PDZRN4: variants seen among roughly 807,000 people sequenced by gnomAD.
The protein encoded by PDZRN4 is PDZ domain-containing RING finger protein 4.
PDZRN4 carries 70 observed loss-of-function variants against 99.0 expected under a neutral mutation model. That is an observed-to-expected ratio of 0.71 (90% CI 0.58 to 0.86). PDZRN4 has a LOEUF of 0.86. Among genes scored for constraint, PDZRN4 ranks in the 40% least tolerant of loss-of-function variants. The probability of loss-of-function intolerance (pLI) is 0.00; values close to 1 mark genes in which losing one functional copy is unlikely to be tolerated. For missense variants in PDZRN4, 1,474 were observed against 1,331.2 expected (o/e 1.11, Z -1.67); for synonymous variants, 551 against 501.6 (o/e 1.10, Z -1.32).
intron 3 of PDZRN4, among the ~76,000 whole-genome samples, chr12:41,249,108 CAT>C (rs533236830): frequency 6.6e-6 from 1 of 152,106 alleles, no homozygotes; most frequent in Non-Finnish European, 1.5e-5. Flanking sequence ...CACATGTGCA[CAT>C]GTGTGTATAC....
chr12:41,219,317 T>C (rs1950939362), intron 3 of PDZRN4, among the ~76,000 whole-genome samples: 1 of 151,864 alleles, frequency 6.6e-6, no homozygotes, highest in Non-Finnish European at 1.5e-5. Context: ...TGAGTAGGAG[T>C]TCAGTCAAGA....
chr12:41,414,602 C>G (rs867918005), intron 3 of PDZRN4, among the ~76,000 whole-genome samples: 1 of 151,766 alleles, frequency 6.6e-6, no homozygotes, highest in African/African-American at 2.4e-5. Flanking sequence ...AGACGGATGT[C>G]TTCCAATAAA....
Position 41,261,494 on chromosome 12 carries a change from T to C in PDZRN4, c.843+67306T>C, listed in dbSNP as rs1221772250. Among the ~76,000 whole-genome samples the C allele has an allele frequency of 2.6e-5, 4 of 151,692 alleles. No homozygotes were observed. The East Asian group carries it at 5.8e-4, about 22-fold the overall frequency. On this transcript the variant is annotated intron_variant, in intron 3 of 9. Transcript: ENST00000402685. ...GTAGTTCTATTTCTCTGTTTGTTTGTTTTCTTATTTTTTGAGATGGAGTCT... is the reference window on the plus strand; with the variant it reads ...GTAGTTCTATTTCTCTGTTTGTTTGCTTTCTTATTTTTTGAGATGGAGTCT...
At chr12:41,297,819 T>C (rs1257865142) in intron 3 of PDZRN4, among the ~76,000 whole-genome samples, 1 of 152,102 alleles carries the variant, frequency 6.6e-6, no homozygotes, top group Non-Finnish European at 1.5e-5. Context: ...CACAAAAAAT[T>C]AACCAAACTG....
At chr12:41,366,382 C>T (rs6582333) in intron 3 of PDZRN4, among the ~76,000 whole-genome samples, 148,807 of 152,194 alleles carry the variant, frequency 0.98, 72,866 homozygotes, top group Middle Eastern at 1. Context: ...CAGTGAAAAA[C>T]TCCAATCTAT....
chr12:41,269,973 CT>C (rs1480420943), intron 3 of PDZRN4, among the ~76,000 whole-genome samples: 1 of 152,142 alleles, frequency 6.6e-6, no homozygotes, highest in East Asian at 1.9e-4. Flanking sequence ...GTCTCTCCCC[CT>C]ACCTCTCTCT....
At chr12:41,279,559 G>T (rs913117330) in intron 3 of PDZRN4, among the ~76,000 whole-genome samples, 53 of 152,094 alleles carry the variant, frequency 3.5e-4, no homozygotes, top group African/African-American at 1.2e-3. Flanking sequence ...AGGAAAGCTT[G>T]TATTTATTTA....
intron 5 of PDZRN4, among the ~76,000 whole-genome samples, chr12:41,517,461 A>G (rs1938421500): frequency 6.6e-6 from 1 of 152,102 alleles, no homozygotes; most frequent in South Asian, 2.1e-4. Flanking sequence ...TCTGCTTTCA[A>G]AAACTGTTTT....
chr12:41,188,677 C>A lies in PDZRN4; in HGVS notation c.222C>A (p.Ile74=). ...GGGTGCTGCCGCTGCGCAGCCTCAT[C>A]CAGAAGCTGCGAGTCCAGTGCGACT... The part of the protein sequence containing the change: ...LYRVLPLRSL[I]QKLRVQCDYR... The change falls in exon 1 of 10, where the codon ATC becomes ATA. Residue 74 remains isoleucine (I), a synonymous_variant. Coordinates refer to ENST00000402685, the MANE Select transcript of PDZRN4 (RefSeq NM_001164595.2). 1 of 1,557,780 alleles carries A rather than the reference C, an allele frequency of 6.4e-7. No individual in the cohort carries two copies. The highest frequency in any genetic ancestry group is 1.2e-5 in the South Asian group (1 of 85,716).
intron 5 of PDZRN4, among the ~76,000 whole-genome samples, chr12:41,550,270 C>T (rs944804190): frequency 2.0e-5 from 3 of 152,112 alleles, no homozygotes; most frequent in African/African-American, 7.2e-5. Context: ...CATTGAAAGT[C>T]GGTGGATTTC....
chr12:41,400,926 C>T (rs893415888), intron 3 of PDZRN4, among the ~76,000 whole-genome samples: 1 of 152,094 alleles, frequency 6.6e-6, no homozygotes, highest in South Asian at 2.1e-4. Context: ...AGGCCTGAAT[C>T]CTGACTGTTA....
chr12:41,347,178 C>T (rs12146801), intron 3 of PDZRN4, among the ~76,000 whole-genome samples: 72,070 of 151,746 alleles, frequency 0.47, 17,871 homozygotes, highest in Middle Eastern at 0.65. Context: ...AGAGGAATTG[C>T]TGGGTCCTGA....
In PDZRN4 at chr12:41,262,478, G is replaced by GA. The variant is rs200197556; in HGVS notation, c.843+68297dup. ...AACTTTCAAGTAAGTGAGGGAGCTGGAAAAAAATTCAGTTATTTTGTAATG... is the reference window on the plus strand; with the variant it reads ...AACTTTCAAGTAAGTGAGGGAGCTGGAAAAAAAATTCAGTTATTTTGTAATG... On this transcript the variant is annotated intron_variant, in intron 3 of 9. Transcript: ENST00000402685. Among the ~76,000 whole-genome samples, 496 of 152,224 alleles carry GA rather than the reference G, an allele frequency of 3.3e-3. 10 individuals carry two copies. The highest frequency in any genetic ancestry group is 0.03 in the South Asian group (145 of 4,830).
chr12:41,495,506 C>T (rs961743208), intron 3 of PDZRN4, among the ~76,000 whole-genome samples: 2 of 152,002 alleles, frequency 1.3e-5, no homozygotes, highest in Admixed American at 6.6e-5. Context: ...TTACAGCTCT[C>T]TTCATCCTCC....
At chr12:41,499,004 T>G (rs1938062090) in intron 3 of PDZRN4, among the ~76,000 whole-genome samples, 1 of 151,854 alleles carries the variant, frequency 6.6e-6, no homozygotes, top group Non-Finnish European at 1.5e-5. Flanking sequence ...TTGAAGAAAG[T>G]TTAATGATGG....
At chr12:41,325,065 C>T (rs1207905737) in intron 3 of PDZRN4, among the ~76,000 whole-genome samples, 1 of 152,078 alleles carries the variant, frequency 6.6e-6, no homozygotes, top group Non-Finnish European at 1.5e-5. Flanking sequence ...CTCTCTTAAA[C>T]TGTGGACCAA....
At chr12:41,494,527 G>A (rs1348045416) in intron 3 of PDZRN4, among the ~76,000 whole-genome samples, 2 of 151,800 alleles carry the variant, frequency 1.3e-5, no homozygotes, top group East Asian at 3.9e-4. Flanking sequence ...AATTACTGGG[G>A]CAAATTCCAA....
At chr12:41,338,744 A>T (rs999761156) in intron 3 of PDZRN4, among the ~76,000 whole-genome samples, 3 of 152,142 alleles carry the variant, frequency 2.0e-5, no homozygotes, top group Middle Eastern at 3.4e-3. Flanking sequence ...AGCTACCAAG[A>T]TTAAAGTATA....
intron 3 of PDZRN4, among the ~76,000 whole-genome samples, chr12:41,425,489 A>G (rs1364339287): frequency 6.6e-6 from 1 of 152,128 alleles, no homozygotes; most frequent in Admixed American, 6.6e-5. Context: ...GTTACATGCC[A>G]GATGGTGTTC....
Sources: gnomAD v4.1 joint callset for allele counts (sites outside exome capture counted in the v4.1 genomes callset) on GRCh38, gnomAD v4.1.1 for gene constraint, MANE v1.5 for transcripts, NCBI Gene and HGNC (gene_info 2026-07-23, HGNC 2026-07-21) for gene names.